Variants in SFXN4 observed in about 807,000 individuals in gnomAD.
The protein encoded by SFXN4 is sideroflexin 4, also known as sideroflexin-4.
In SFXN4, 48 loss-of-function variants were observed where a neutral mutation model predicts 54.6. The ratio of observed to expected loss-of-function variants is 0.88; its 90% CI spans 0.70 to 1.12. The LOEUF (loss-of-function observed/expected upper bound fraction) is 1.12. Among genes scored for constraint, SFXN4 ranks in the 50% most tolerant of loss-of-function variants. The pLI, the probability that SFXN4 is intolerant of heterozygous loss-of-function variation, is 0.00. For synonymous variants in SFXN4, 130 were observed against 145.5 expected (o/e 0.89, Z 0.77); for missense variants, 383 against 409.2 (o/e 0.94, Z 0.55).
Position 119,160,820 on chromosome 10 carries a change from G to A in SFXN4, c.334+95C>T, listed in dbSNP as rs145704447. On this transcript the variant is annotated intron_variant, in intron 5 of 13. Transcript: ENST00000355697. Reference sequence around the variant, plus strand: ...TCACCATGTTGGCCAGGCTGGTCTCGAACTCCTGACCCCAGGTGATCCGGC... The same window carrying A: ...TCACCATGTTGGCCAGGCTGGTCTCAAACTCCTGACCCCAGGTGATCCGGC... 1,087 of 1,301,782 alleles carry A rather than the reference G, an allele frequency of 8.4e-4. 6 individuals carry two copies. The African/African-American group carries it at 0.013, about 16-fold the overall frequency. The allele number at this position is 1,301,782 out of a possible 1,614,324, so 80.6% of individuals were successfully genotyped here. A position where few individuals can be genotyped will look rare whatever the true frequency, so the allele number is the denominator to read the frequency against.
intron 2 of SFXN4, among the ~76,000 whole-genome samples, chr10:119,163,243 TTTTA>T (rs1847627862): frequency 6.6e-6 from 1 of 152,168 alleles, no homozygotes; most frequent in South Asian, 2.1e-4. Flanking sequence ...CTTTTTTTTT[TTTTA>T]AAGATGGAGT....
rs576737046 is a variant in SFXN4, at chr10:119,158,158, C to T, written c.361-96G>A. On this transcript the variant is annotated intron_variant, in intron 6 of 13. Transcript: ENST00000355697. ...TTCCAGGGGAGAGGGAGAATTGAGC[C>T]CCCAAGGAGCTGGGGCAGGAGAGGA... The T allele has an allele frequency of 9.4e-6, 11 of 1,166,098 alleles. No homozygotes were observed. The South Asian group carries it at 1.2e-4, about 13-fold the overall frequency. The allele number at this position is 1,166,098 out of a possible 1,614,324, so 72.2% of individuals were successfully genotyped here.
Position 119,146,317 on chromosome 10 carries a change from C to G in SFXN4, c.855G>C (p.Trp285Cys). 6.2e-7 allele frequency: 1 copy of G among 1,613,536 alleles called. No individual in the cohort carries two copies. Among genetic ancestry groups the G allele is most frequent in the Non-Finnish European group, 8.5e-7 (1 of 1,179,648 alleles). ...GGACAGTACAAGACAGTTTCAAAAT[C>G]CACAATGACCCTGGGTTTTTCCTGA... is the stretch of plus-strand genomic sequence containing the variant. ...QYFRKNPGSL[W>C]ILKLSCTVLA... is the part of the protein sequence containing the mutation. The change falls in exon 13 of 14, where the codon TGG becomes TGC. Residue 285 changes from tryptophan to cysteine, a missense_variant. Transcript: ENST00000355697.
chr10:119,165,172 G>C, intron 1 of SFXN4: 5 of 1,030,238 alleles, frequency 4.9e-6, no homozygotes, highest in South Asian at 3.5e-5. Context: ...CCAAAGCCTC[G>C]GGGGTCTCAC....
intron 3 of SFXN4, among the ~76,000 whole-genome samples, chr10:119,161,427 C>CAAAAAA (rs1254206919): frequency 2.6e-5 from 3 of 116,684 alleles, no homozygotes; most frequent in Non-Finnish European, 5.1e-5. Context: ...ACAACAACAA[C>CAAAAAA]AAAAAAAAAC....
chr10:119,151,450 T>G (rs1847066705), intron 11 of SFXN4, among the ~76,000 whole-genome samples: 1 of 151,230 alleles, frequency 6.6e-6, no homozygotes, highest in Non-Finnish European at 1.5e-5. Context: ...ATTTGGGACA[T>G]TTTTAGGATG....
chr10:119,157,337 A>G (rs1039586349), intron 9 of SFXN4, among the ~76,000 whole-genome samples: 4 of 151,694 alleles, frequency 2.6e-5, no homozygotes, highest in Non-Finnish European at 4.4e-5. Context: ...AGGCTGAGGC[A>G]GGAGAATCAC....
At chr10:119,158,477 G>A (rs570513454) in intron 6 of SFXN4, among the ~76,000 whole-genome samples, 42 of 151,874 alleles carry the variant, frequency 2.8e-4, no homozygotes, top group Non-Finnish European at 5.6e-4. Flanking sequence ...TTAGCCGGGT[G>A]TGGTGGTGCA....
At chr10:119,158,531 G>A (rs550296524) in intron 6 of SFXN4, among the ~76,000 whole-genome samples, 11 of 144,792 alleles carry the variant, frequency 7.6e-5, no homozygotes, top group East Asian at 2.0e-4. Context: ...CAGAAGAATC[G>A]CTTGAATCTG....
At chr10:119,156,103 T>TA (rs1485094180) in intron 10 of SFXN4, among the ~76,000 whole-genome samples, 1 of 152,134 alleles carries the variant, frequency 6.6e-6, no homozygotes, top group Admixed American at 6.6e-5. Context: ...TAAAATAATG[T>TA]AAGTAGAACG....
chr10:119,142,214 A>C (rs936777044), intron 13 of SFXN4, among the ~76,000 whole-genome samples: 2 of 152,080 alleles, frequency 1.3e-5, no homozygotes, highest in Non-Finnish European at 2.9e-5. Flanking sequence ...ACACACAAAC[A>C]AACAAAAAAC....
intron 5 of SFXN4, among the ~76,000 whole-genome samples, 169 bp from the exon 6 acceptor site, chr10:119,159,922 G>T (rs1847449706): frequency 6.6e-6 from 1 of 152,124 alleles, no homozygotes; most frequent in Non-Finnish European, 1.5e-5. Flanking sequence ...GGGGGTCAAG[G>T]TCTCAGCACT....
intron 12 of SFXN4, among the ~76,000 whole-genome samples, chr10:119,147,259 C>T (rs1024941439): frequency 2.0e-5 from 3 of 152,344 alleles, no homozygotes; most frequent in African/African-American, 2.4e-5. Context: ...CGTCTCCCCT[C>T]GGGTCTGAGC....
intron 3 of SFXN4, among the ~76,000 whole-genome samples, chr10:119,161,322 C>T (rs375667450): frequency 2.4e-4 from 37 of 151,084 alleles, no homozygotes; most frequent in African/African-American, 8.0e-4. Flanking sequence ...TCTTGCTATA[C>T]GGCCCAGGCT....
chr10:119,162,506 G>T, intron 2 of SFXN4, 92 bp from the exon 3 acceptor site: 2 of 978,630 alleles, frequency 2.0e-6, no homozygotes, highest in Non-Finnish European at 3.2e-6. Flanking sequence ...TCACCAGCAT[G>T]CACTGGACTT....
chr10:119,158,029 T>C lies in SFXN4; in HGVS notation c.394A>G (p.Lys132Glu). ...FLSMTPLKGI[K>E]SVILPQVFLC... ...GCTACCTGAGGTAAAATCACGGACT[T>C]GATCCCTTTCAGTGGCGTCATTGAC... Residue 132 changes from lysine to glutamate, a missense_variant, in exon 7 of 14, where the codon AAG (lysine) becomes GAG (glutamate). Physicochemically the swap from Lys to Glu is moderately conservative, Grantham distance 56 (BLOSUM62 1). Coordinates refer to ENST00000355697, the MANE Select transcript of SFXN4 (RefSeq NM_213649.2). The C allele has an allele frequency of 6.2e-7, 1 of 1,614,206 alleles. No individual in the cohort carries two copies. Among genetic ancestry groups the C allele is most frequent in the Admixed American group, 1.7e-5 (1 of 60,024 alleles).
At chr10:119,145,540 G>A (rs1293186331) in intron 13 of SFXN4, among the ~76,000 whole-genome samples, 1 of 152,042 alleles carries the variant, frequency 6.6e-6, no homozygotes, top group African/African-American at 2.4e-5. Flanking sequence ...CTGATCTCAA[G>A]TTATCTGCCC....
intron 11 of SFXN4, among the ~76,000 whole-genome samples, chr10:119,152,407 G>A (rs780385653): frequency 6.6e-6 from 1 of 151,660 alleles, no homozygotes; most frequent in Non-Finnish European, 1.5e-5. Flanking sequence ...AGCCTCCCGA[G>A]TAGCTGGGAT....
intron 11 of SFXN4, among the ~76,000 whole-genome samples, chr10:119,149,141 C>T (rs1425896932): frequency 1.3e-5 from 2 of 152,200 alleles, no homozygotes; most frequent in Non-Finnish European, 2.9e-5. Context: ...CCTACCCCAG[C>T]CTCCTGAGTA....
Sources: allele counts gnomAD v4.1 joint callset (sites outside exome capture counted in the v4.1 genomes callset), GRCh38; gene constraint gnomAD v4.1.1; transcripts MANE v1.5; gene names NCBI Gene and HGNC (gene_info 2026-07-23, HGNC 2026-07-21).